The following POLR3B variants were observed in gnomAD, a reference collection of about 807,000 sequenced individuals.
POLR3B encodes DNA-directed RNA polymerase III subunit RPC2.
Under a neutral mutation model 147.4 loss-of-function variants are expected in POLR3B, and 96 were observed. That is an observed-to-expected ratio of 0.65 (90% confidence interval 0.55 to 0.77). POLR3B has a LOEUF of 0.77. Ranked by LOEUF, POLR3B falls within the 30% of genes least tolerant of loss-of-function variation. The pLI is 0.00. For missense variants in POLR3B, 1,036 were observed against 1,413.5 expected, an observed-to-expected ratio of 0.73 and a Z score of 4.28; for synonymous variants, 461 against 485.9, an observed-to-expected ratio of 0.95 and a Z score of 0.67.
intron 23 of POLR3B, among the ~76,000 whole-genome samples, chr12:106,489,081 T>G (rs538305885): frequency 6.6e-6 from 1 of 152,110 alleles, no homozygotes. Context: ...GATTAGCACC[T>G]CCAACAAAGG....
chr12:106,497,037 G>A (rs1260113696), intron 25 of POLR3B, 119 bp downstream of exon 25: 5 of 970,630 alleles, frequency 5.2e-6, no homozygotes, highest in Non-Finnish European at 3.2e-6. Context: ...CAGCCCGTGG[G>A]CGGCATGTGG....
chr12:106,358,132 G>T (rs1426057432), intron 1 of POLR3B, 181 bp downstream of exon 1: 2 of 1,481,300 alleles, frequency 1.4e-6, no homozygotes, highest in East Asian at 5.0e-5. Context: ...CCGCGTGCGC[G>T]AGTGAAGGCT....
rs12318640 is a variant in POLR3B, at chr12:106,366,347, A to G, written c.106-169A>G. 0.056 allele frequency among the ~76,000 whole-genome samples: 8,530 copies of G among 152,252 alleles called. 543 individuals are homozygous for G. Among genetic ancestry groups the G allele is most frequent in the African/African-American group, 0.16 (6,446 of 41,506 alleles). The stretch of plus-strand genomic sequence containing the variant: ...GAAATGGAATGAGAATGCATTAATG[A>G]AAAGATTTATTAAATAAAATTCATG... On this transcript the variant is annotated intron_variant, in intron 2 of 27. Transcript: ENST00000228347.
At chr12:106,365,028 G>C (rs1252997842) in intron 2 of POLR3B, among the ~76,000 whole-genome samples, 1 of 152,114 alleles carries the variant, frequency 6.6e-6, no homozygotes, top group Non-Finnish European at 1.5e-5. Context: ...CCAGCTACTT[G>C]GGAGGATAAG....
At chr12:106,467,687 C>T (rs1463349012) in intron 23 of POLR3B, among the ~76,000 whole-genome samples, 2 of 152,060 alleles carry the variant, frequency 1.3e-5, no homozygotes. Context: ...TGTCAAAGGC[C>T]TTTTCTGCAT....
Position 106,459,057 on chromosome 12 carries a change from C to T in POLR3B, c.2453-194C>T, listed in dbSNP as rs118014767. On this transcript the variant is annotated intron_variant, in intron 21 of 27. Transcript: ENST00000228347. ...TGTGTGTGTGTGGGTGTGTGAGTCTCACTCTGTTGCACAGGCTGGAGTGCA... is the reference window on the plus strand; with the variant it reads ...TGTGTGTGTGTGGGTGTGTGAGTCTTACTCTGTTGCACAGGCTGGAGTGCA... Among the ~76,000 whole-genome samples the T allele has an allele frequency of 3.5e-3, 533 of 152,070 alleles. 2 individuals are homozygous for T. Among genetic ancestry groups the T allele is most frequent in the Non-Finnish European group, 5.7e-3 (386 of 67,972 alleles).
At chr12:106,474,763 T>C (rs1463783767) in intron 23 of POLR3B, among the ~76,000 whole-genome samples, 2 of 149,670 alleles carry the variant, frequency 1.3e-5, no homozygotes, top group Admixed American at 6.6e-5. Context: ...TCTTTTTTTC[T>C]TTATTAGTCT....
At chr12:106,489,598 G>A (rs2038382891) in intron 23 of POLR3B, among the ~76,000 whole-genome samples, 1 of 152,180 alleles carries the variant, frequency 6.6e-6, no homozygotes. Context: ...GAGGCTTGTG[G>A]GAAGTAAGAA....
chr12:106,383,623 A>T (rs2036794692), intron 9 of POLR3B, among the ~76,000 whole-genome samples: 1 of 152,020 alleles, frequency 6.6e-6, no homozygotes. Context: ...TTATAGATTA[A>T]ATTTTTCATC....
intron 10 of POLR3B, among the ~76,000 whole-genome samples, chr12:106,396,974 T>C (rs2036987560): frequency 6.6e-6 from 1 of 151,904 alleles, no homozygotes; most frequent in Non-Finnish European, 1.5e-5. Context: ...TTGTTTTAAT[T>C]AGCTGGGCAT....
intron 9 of POLR3B, among the ~76,000 whole-genome samples, chr12:106,392,541 C>T (rs1347826681): frequency 2.6e-5 from 4 of 152,104 alleles, no homozygotes; most frequent in African/African-American, 4.8e-5. Context: ...TGAGGTAAAA[C>T]GTGTTTTAGG....
intron 19 of POLR3B, 90 bp from the exon 20 acceptor site, chr12:106,454,412 G>T: frequency 1.4e-6 from 1 of 724,224 alleles, no homozygotes; most frequent in Non-Finnish European, 2.5e-6. Flanking sequence ...TTTAATTAGT[G>T]ATGTTAATGT....
intron 23 of POLR3B, among the ~76,000 whole-genome samples, chr12:106,488,612 A>G (rs773432449): frequency 1.4e-4 from 21 of 152,338 alleles, no homozygotes; most frequent in Non-Finnish European, 2.6e-4. Flanking sequence ...GGAATGTTCT[A>G]TGTGTTGCTG....
At chr12:106,420,012 A>G (rs1203067230) in intron 12 of POLR3B, among the ~76,000 whole-genome samples, 2 of 151,982 alleles carry the variant, frequency 1.3e-5, no homozygotes, top group African/African-American at 4.8e-5. Context: ...ATGTTCTGCT[A>G]GAGGTTGGTG....
At chr12:106,471,000 A>T (rs1441556010) in intron 23 of POLR3B, among the ~76,000 whole-genome samples, 2 of 152,320 alleles carry the variant, frequency 1.3e-5, no homozygotes, top group East Asian at 3.9e-4. Context: ...CAGAGTTGTC[A>T]GGCAGTGACG....
chr12:106,394,526 G>A (rs2036955824), intron 10 of POLR3B, among the ~76,000 whole-genome samples: 1 of 152,198 alleles, frequency 6.6e-6, no homozygotes. Flanking sequence ...GCTGTGTAGT[G>A]CCCTACAAGT....
At chr12:106,481,510 TG>T (rs1458264383) in intron 23 of POLR3B, among the ~76,000 whole-genome samples, 1 of 152,088 alleles carries the variant, frequency 6.6e-6, no homozygotes, top group African/African-American at 2.4e-5. Context: ...GGTGGGTGAG[TG>T]GGGGTGGCAC....
At position 106,362,237 on chromosome 12, in the gene POLR3B, C is replaced by T. The variant is rs12307632; in HGVS notation, c.73-1633C>T. 3.5e-3 allele frequency among the ~76,000 whole-genome samples: 531 copies of T among 151,876 alleles called. 2 individuals carry two copies. Among genetic ancestry groups the T allele is most frequent in the African/African-American group, 0.011 (467 of 41,366 alleles). The stretch of plus-strand genomic sequence containing the variant: ...AAGGTTGGCAGGATTGTGTCTGTGG[C>T]GGAAGGGTTAGCCTTAGACCAAGGA... On this transcript the variant is annotated intron_variant, in intron 1 of 27. Transcript: ENST00000228347.
intron 14 of POLR3B, among the ~76,000 whole-genome samples, chr12:106,431,713 G>C (rs927395611): frequency 2.6e-5 from 4 of 152,148 alleles, no homozygotes; most frequent in African/African-American, 9.7e-5. Context: ...ATAATCTATG[G>C]ATCTTATTCA....
Sources: allele counts gnomAD v4.1 joint callset (sites outside exome capture counted in the v4.1 genomes callset), GRCh38; gene constraint gnomAD v4.1.1; transcripts MANE v1.5; gene names NCBI Gene and HGNC (gene_info 2026-07-23, HGNC 2026-07-21).